Variants in STXBP5L observed in about 807,000 individuals in gnomAD.
STXBP5L encodes syntaxin-binding protein 5-like.
In STXBP5L, 65 loss-of-function variants were observed where a neutral mutation model predicts 144.5. That is an observed-to-expected ratio of 0.45 (90% CI 0.37 to 0.55). The LOEUF is 0.55. Among genes scored for constraint, STXBP5L ranks in the 20% least tolerant of loss-of-function variants. STXBP5L has a pLI of 0.00. For synonymous variants in STXBP5L, 505 were observed against 469.6 expected, an observed-to-expected ratio of 1.08 and a Z score of -0.97; for missense variants, 1,298 against 1,405.5, an observed-to-expected ratio of 0.92 and a Z score of 1.22.
At chr3:121,064,407 G>C (rs888200636) in intron 5 of STXBP5L, among the ~76,000 whole-genome samples, 3 of 152,040 alleles carry the variant, frequency 2.0e-5, no homozygotes, top group African/African-American at 7.2e-5. Context: ...GACCGGAGCT[G>C]TTCCTATTTG....
chr3:121,292,390 T>C (rs1441166161), intron 19 of STXBP5L, among the ~76,000 whole-genome samples: 1 of 152,100 alleles, frequency 6.6e-6, no homozygotes, highest in African/African-American at 2.4e-5. Flanking sequence ...TCAAAAATAA[T>C]ACATGTTAGC....
At chr3:121,152,334 A>C (rs1038796533) in intron 7 of STXBP5L, 143 bp from the exon 8 acceptor site, 1 of 577,028 alleles carries the variant, frequency 1.7e-6, no homozygotes, top group African/African-American at 2.0e-5. Context: ...AAATGTAGAA[A>C]ACCTATATTC....
chr3:121,117,882 A>T (rs1377354971), intron 6 of STXBP5L, among the ~76,000 whole-genome samples: 1 of 151,806 alleles, frequency 6.6e-6, no homozygotes, highest in Non-Finnish European at 1.5e-5. Context: ...AATACCTTAT[A>T]AAATAACAGC....
At chr3:121,033,444 A>C (rs567397102) in intron 3 of STXBP5L, among the ~76,000 whole-genome samples, 65 of 121,604 alleles carry the variant, frequency 5.3e-4, no homozygotes, top group African/African-American at 2.0e-3. Context: ...GGGGGGAGGG[A>C]TAGCATTGGG....
intron 5 of STXBP5L, among the ~76,000 whole-genome samples, chr3:121,078,958 G>A (rs180748751): frequency 3.9e-5 from 6 of 152,338 alleles, no homozygotes; most frequent in Admixed American, 1.3e-4. Flanking sequence ...CCTGCAAGCT[G>A]AGGGAGACAG....
chr3:121,282,139 A>C (rs896954568), intron 19 of STXBP5L: 5 of 636,238 alleles, frequency 7.9e-6, no homozygotes, highest in Non-Finnish European at 1.3e-5. Flanking sequence ...TAATTACCTA[A>C]TCTTGCTGCA....
At chr3:121,256,685 A>G (rs917531209) in intron 16 of STXBP5L, among the ~76,000 whole-genome samples, 1 of 151,746 alleles carries the variant, frequency 6.6e-6, no homozygotes, top group Non-Finnish European at 1.5e-5. Context: ...TAAACAAGTA[A>G]TTTTTTCATA....
chr3:121,050,261 G>T (rs1172486832), intron 5 of STXBP5L, among the ~76,000 whole-genome samples: 1 of 151,894 alleles, frequency 6.6e-6, no homozygotes, highest in Non-Finnish European at 1.5e-5. Context: ...TTTTTAAGAG[G>T]AAAGGAATTT....
At chr3:121,254,759 C>T in intron 15 of STXBP5L, 136 bp from the exon 16 acceptor site, 1 of 741,668 alleles carries the variant, frequency 1.3e-6, no homozygotes, top group East Asian at 2.7e-5. Flanking sequence ...GCATTGAATG[C>T]TTTACTGGTT....
chr3:121,266,996 C>T (rs1474824740), intron 18 of STXBP5L, among the ~76,000 whole-genome samples: 2 of 150,398 alleles, frequency 1.3e-5, no homozygotes, highest in African/African-American at 4.9e-5. Context: ...ATTCCGTGCT[C>T]ATAGATTCAA....
intron 9 of STXBP5L, among the ~76,000 whole-genome samples, chr3:121,171,787 T>C (rs2046729452): frequency 6.6e-6 from 1 of 152,176 alleles, no homozygotes. Flanking sequence ...CAAAGTAATT[T>C]ATAGATTCAA....
At chr3:120,930,245 C>G (rs567934594) in intron 2 of STXBP5L, among the ~76,000 whole-genome samples, 1 of 150,976 alleles carries the variant, frequency 6.6e-6, no homozygotes, top group Non-Finnish European at 1.5e-5. Flanking sequence ...GCAGACCCAG[C>G]AAGCTAATAC....
At chr3:121,313,466 G>C (rs1252464940) in intron 19 of STXBP5L, among the ~76,000 whole-genome samples, 9 of 97,394 alleles carry the variant, frequency 9.2e-5, no homozygotes, top group Admixed American at 2.9e-4. Context: ...CCTCCTGGAC[G>C]GGGCGACTGG....
chr3:121,179,158 TA>T (rs796317695), intron 9 of STXBP5L, among the ~76,000 whole-genome samples: 9 of 151,564 alleles, frequency 5.9e-5, no homozygotes, highest in African/African-American at 1.9e-4. Context: ...AGAAAATAAA[TA>T]AATAAATTGT....
intron 5 of STXBP5L, among the ~76,000 whole-genome samples, chr3:121,103,421 G>A (rs538198964): frequency 1.4e-3 from 214 of 152,200 alleles, no homozygotes; most frequent in Middle Eastern, 6.8e-3. Flanking sequence ...ATTATCTTAA[G>A]AAAATTTACA....
intron 5 of STXBP5L, among the ~76,000 whole-genome samples, chr3:121,114,016 A>C (rs1403154408): frequency 6.6e-6 from 1 of 152,104 alleles, no homozygotes; most frequent in Non-Finnish European, 1.5e-5. Flanking sequence ...TCATATTGGA[A>C]ATATGTCATT....
chr3:121,068,563 G>A (rs909562752), intron 5 of STXBP5L, among the ~76,000 whole-genome samples: 2 of 151,952 alleles, frequency 1.3e-5, no homozygotes, highest in Non-Finnish European at 2.9e-5. Flanking sequence ...ATCTAAAATA[G>A]AGCATTTCTT....
At chr3:121,334,318 C>G (rs2044426407) in intron 20 of STXBP5L, among the ~76,000 whole-genome samples, 1 of 151,962 alleles carries the variant, frequency 6.6e-6, no homozygotes, top group Admixed American at 6.6e-5. Flanking sequence ...ACCAGATATG[C>G]AAAGAAGAAA....
intron 20 of STXBP5L, among the ~76,000 whole-genome samples, chr3:121,327,240 A>G (rs1320927586): frequency 6.6e-6 from 1 of 152,156 alleles, no homozygotes; most frequent in East Asian, 1.9e-4. Flanking sequence ...AGACAAAACC[A>G]TAATGTAATG....
Sources: gnomAD v4.1 joint callset for allele counts (sites outside exome capture counted in the v4.1 genomes callset) on GRCh38, gnomAD v4.1.1 for gene constraint, MANE v1.5 for transcripts, NCBI Gene and HGNC (gene_info 2026-07-23, HGNC 2026-07-21) for gene names.